The following KAZN variants were observed in gnomAD, a reference collection of about 807,000 sequenced individuals.
The protein encoded by KAZN is kazrin, periplakin interacting protein.
In KAZN, 40 loss-of-function variants were observed where a neutral mutation model predicts 87.4. That is an observed-to-expected ratio of 0.46 (90% CI 0.36 to 0.60). The LOEUF (loss-of-function observed/expected upper bound fraction) is 0.60. Among genes scored for constraint, KAZN ranks in the 20% least tolerant of loss-of-function variants. The probability of loss-of-function intolerance (pLI) is 0.00; values close to 1 mark genes in which losing one functional copy is unlikely to be tolerated. For missense variants in KAZN, 898 were observed against 1,073.9 expected (o/e 0.84, Z 2.29); for synonymous variants, 466 against 458.3 (o/e 1.02, Z -0.22).
chr1:14,573,481 A>T (rs1295463523), intron 2 of KAZN, among the ~76,000 whole-genome samples: 2 of 152,104 alleles, frequency 1.3e-5, no homozygotes, highest in Non-Finnish European at 2.9e-5. Context: ...CCCCGTCTCT[A>T]CTAAAAATAC....
At chr1:14,211,581 T>C (rs1026904886) in intron 2 of KAZN, among the ~76,000 whole-genome samples, 2 of 152,140 alleles carry the variant, frequency 1.3e-5, no homozygotes, top group Non-Finnish European at 2.9e-5. Flanking sequence ...GACTGGGAAA[T>C]ACATTGACGG....
At chr1:14,460,408 G>A (rs913104205) in intron 2 of KAZN, among the ~76,000 whole-genome samples, 2 of 152,202 alleles carry the variant, frequency 1.3e-5, no homozygotes, top group African/African-American at 2.4e-5. Flanking sequence ...CTTGAGCAAG[G>A]CGGTGAGGAT....
chr1:14,753,452 G>A (rs1260151011), intron 1 of KAZN, among the ~76,000 whole-genome samples: 2 of 152,064 alleles, frequency 1.3e-5, no homozygotes, highest in Non-Finnish European at 2.9e-5. Context: ...GAGGCTGGGT[G>A]CATTGGGCTC....
chr1:13,936,096 G>GT lies in KAZN; in HGVS notation c.91+42355dup, dbSNP rs70984301. 1.1e-3 allele frequency among the ~76,000 whole-genome samples: 95 copies of GT among 84,838 alleles called. 5 individuals are homozygous for GT. The highest frequency in any genetic ancestry group is 2.4e-3 in the Admixed American group (14 of 5,902). 55.7% of individuals were successfully genotyped at this position (84,838 alleles called of 152,430 possible). A position where few individuals can be genotyped will look rare whatever the true frequency, so the allele number is the denominator to read the frequency against. On this transcript the variant is annotated intron_variant, in intron 1 of 16. Coordinates refer to the KAZN transcript ENST00000636203. ...TATAGATTTAGGTGGTACAAGTGCAGTTTTTTTTTTTTTTTGAGACAGAGT... is the reference window on the plus strand; with the variant it reads ...TATAGATTTAGGTGGTACAAGTGCAGTTTTTTTTTTTTTTTTGAGACAGAGT...
rs568020268 is a variant in KAZN, at chr1:14,451,933, T to G, written c.250-147050T>G. On this transcript the variant is annotated intron_variant, in intron 2 of 16. Transcript: ENST00000636203. The stretch of plus-strand genomic sequence containing the variant: ...GCTGTTTTGGGATGAGATTAACTCT[T>G]TTTTGTTTTGTTTTGTTTTGTTTTA... 1.8e-3 allele frequency among the ~76,000 whole-genome samples: 245 copies of G among 137,500 alleles called. 2 individuals carry two copies. Among genetic ancestry groups the G allele is most frequent in the Admixed American group, 0.012 (172 of 13,886 alleles). 90.2% of individuals were successfully genotyped at this position (137,500 alleles called of 152,430 possible).
At chr1:14,847,155 T>C (rs1193881040) in intron 1 of KAZN, among the ~76,000 whole-genome samples, 1 of 152,248 alleles carries the variant, frequency 6.6e-6, no homozygotes, top group Non-Finnish European at 1.5e-5. Context: ...ATGCCGGCAA[T>C]CTTTTTAAAA....
At chr1:15,036,943 G>A (rs917771883) in intron 3 of KAZN, among the ~76,000 whole-genome samples, 4 of 152,182 alleles carry the variant, frequency 2.6e-5, no homozygotes, top group Non-Finnish European at 5.9e-5. Context: ...ACTCACCCAC[G>A]GTCATGCAGC....
intron 2 of KAZN, among the ~76,000 whole-genome samples, chr1:15,014,605 G>C (rs1202137364): frequency 6.6e-6 from 1 of 152,150 alleles, no homozygotes; most frequent in Non-Finnish European, 1.5e-5. Flanking sequence ...TCTTGTGTGG[G>C]AGAGCATTTG....
chr1:14,400,905 G>A (rs151219767), intron 2 of KAZN, among the ~76,000 whole-genome samples: 160 of 152,332 alleles, frequency 1.1e-3, no homozygotes, highest in Non-Finnish European at 1.6e-3. Context: ...GTGCATGGGT[G>A]TGTTTGAAAT....
intron 8 of KAZN, among the ~76,000 whole-genome samples, chr1:15,072,315 C>T (rs1639541214): frequency 6.6e-6 from 1 of 152,298 alleles, no homozygotes; most frequent in South Asian, 2.1e-4. Flanking sequence ...ATCAGGGCAT[C>T]GGGCTGTGTG....
chr1:14,539,729 AC>A, intron 2 of KAZN, among the ~76,000 whole-genome samples: 1 of 152,172 alleles, frequency 6.6e-6, no homozygotes, highest in African/African-American at 2.4e-5. Flanking sequence ...GAAAAAAAAA[AC>A]GCCAGACGTT....
Position 14,205,068 on chromosome 1 carries a change from A to G in KAZN, c.249+24476A>G, listed in dbSNP as rs879259189. 5.1e-4 allele frequency among the ~76,000 whole-genome samples: 77 copies of G among 152,144 alleles called. 1 individual carries two copies. The highest frequency in any genetic ancestry group is 2.6e-4 in the Admixed American group (4 of 15,286). ...GGGAGCCAGGCTGCTTCTATCTCCA[A>G]TTCTTCATTCAGGAGGCAGATGGGG... On this transcript the variant is annotated intron_variant, in intron 2 of 16. Transcript: ENST00000636203.
intron 2 of KAZN, among the ~76,000 whole-genome samples, chr1:14,228,469 G>A (rs1292304909): frequency 3.3e-5 from 5 of 152,216 alleles, no homozygotes; most frequent in African/African-American, 1.2e-4. Context: ...GTCTTTGGCT[G>A]AGGGGATAGA....
Position 15,112,235 on chromosome 1 carries a change from C to G in KAZN, c.2049-192C>G, listed in dbSNP as rs138213140. 35 of 593,576 alleles carry G rather than the reference C, an allele frequency of 5.9e-5. No individual in the cohort carries two copies. In the East Asian group the frequency reaches 9.4e-4, roughly 16 times the overall value. The allele number at this position is 593,576 out of a possible 1,614,324, so 36.8% of individuals were successfully genotyped here. ...TGGGCTGGCAGTCCCAAGCCCCAGG[C>G]ATGTTGTGAGAATCACGCTTATAAA... On this transcript the variant is annotated intron_variant, in intron 13 of 14. Coordinates refer to ENST00000376030, the MANE Select transcript of KAZN (RefSeq NM_201628.3).
rs1639174906 is a variant in KAZN at position 15,065,735 on chromosome 1, G to A, written c.1204G>A (p.Asp402Asn). Reference protein sequence around the residue: ...FARGKQRKSLDPGLFDDSDSQ... With the variant: ...FARGKQRKSLNPGLFDDSDSQ... ...CAGAGGGAAGCAGCGGAAGTCCCTC[G>A]ACCCCGGCCTCTTTGATGGTACCGC... The change falls in exon 8 of 15, where the codon GAC becomes AAC. Residue 402 changes from aspartate to asparagine, a missense_variant. Asp to Asn is a conservative substitution (Grantham distance 23, BLOSUM62 1). This residue lies in a region of KAZN where 521 missense variants were observed against 689.4 expected (regional missense o/e 0.76). Coordinates refer to ENST00000376030, the MANE Select transcript of KAZN (RefSeq NM_201628.3). 1.5e-5 allele frequency: 25 copies of A among 1,614,218 alleles called. No individual in the cohort carries two copies. The highest frequency in any genetic ancestry group is 2.7e-5 in the African/African-American group (2 of 75,064).
intron 1 of KAZN, among the ~76,000 whole-genome samples, chr1:14,047,233 G>T (rs1401681348): frequency 6.6e-6 from 1 of 152,168 alleles, no homozygotes; most frequent in Non-Finnish European, 1.5e-5. Context: ...CCCCCTCTCG[G>T]TTCCTGTTGC....
chr1:14,789,921 G>C (rs145919265), intron 1 of KAZN, among the ~76,000 whole-genome samples: 202 of 152,154 alleles, frequency 1.3e-3, no homozygotes, highest in African/African-American at 4.6e-3. Context: ...ATTTGTCAAA[G>C]GATTCTTTTC....
chr1:14,721,187 C>A (rs1202888988), intron 1 of KAZN, among the ~76,000 whole-genome samples: 4 of 152,194 alleles, frequency 2.6e-5, no homozygotes, highest in African/African-American at 9.7e-5. Flanking sequence ...ATAATCCCCA[C>A]ATGTCATGGG....
chr1:14,979,425 T>G (rs1371773608), intron 2 of KAZN, among the ~76,000 whole-genome samples: 5 of 151,602 alleles, frequency 3.3e-5, no homozygotes, highest in Non-Finnish European at 7.4e-5. Context: ...AATAAATAAA[T>G]AAGAACAAAT....
Sources: allele counts gnomAD v4.1 joint callset (sites outside exome capture counted in the v4.1 genomes callset), GRCh38; gene constraint gnomAD v4.1.1; regional missense constraint gnomAD v4.1.1; transcripts MANE v1.5; gene names NCBI Gene and HGNC (gene_info 2026-07-23, HGNC 2026-07-21).